Variants in ITGBL1 observed in about 807,000 individuals in gnomAD.
The protein encoded by ITGBL1 is integrin beta-like protein 1.
ITGBL1 carries 51 observed loss-of-function variants against 68.5 expected under a neutral mutation model. The observed-to-expected ratio is 0.74, with a 90% confidence interval of 0.59 to 0.94. The LOEUF is 0.94. Among genes scored for constraint, ITGBL1 ranks in the 40% least tolerant of loss-of-function variants. ITGBL1 has a pLI of 0.00. For synonymous variants in ITGBL1, 209 were observed against 227.3 expected, an observed-to-expected ratio of 0.92 and a Z score of 0.72; for missense variants, 649 against 647.4, an observed-to-expected ratio of 1.00 and a Z score of -0.03.
intron 7 of ITGBL1, among the ~76,000 whole-genome samples, chr13:101,688,068 T>G (rs777145984): frequency 1.7e-4 from 26 of 152,068 alleles, no homozygotes; most frequent in Non-Finnish European, 3.2e-4. Context: ...TAATATTATT[T>G]AGTAAACAAA....
chr13:101,720,609 A>G (rs1286442466), downstream of ITGBL1: 1 of 151,588 alleles, frequency 6.6e-6, no homozygotes, highest in Non-Finnish European at 1.5e-5. Flanking sequence ...TGCTGTAAGT[A>G]GTGTCCATAA....
intron 2 of ITGBL1, among the ~76,000 whole-genome samples, chr13:101,512,670 G>T (rs1337881986): frequency 1.3e-5 from 2 of 152,052 alleles, no homozygotes; most frequent in Non-Finnish European, 2.9e-5. Flanking sequence ...CCAGAGTGCT[G>T]CAAGGAAATG....
chr13:101,608,022 A>G (rs560417467), intron 7 of ITGBL1, among the ~76,000 whole-genome samples: 1 of 152,158 alleles, frequency 6.6e-6, no homozygotes, highest in South Asian at 2.1e-4. Flanking sequence ...TCTATGCGGT[A>G]TTGCATATGT....
chr13:101,567,500 C>T (rs1001993637), intron 2 of ITGBL1, among the ~76,000 whole-genome samples, 199 bp from the exon 3 acceptor site: 9 of 152,070 alleles, frequency 5.9e-5, no homozygotes, highest in African/African-American at 1.7e-4. Flanking sequence ...TATAATTTAT[C>T]GGTTGACTAT....
intron 7 of ITGBL1, among the ~76,000 whole-genome samples, chr13:101,633,603 G>C (rs1285575918): frequency 6.6e-6 from 1 of 152,182 alleles, no homozygotes; most frequent in East Asian, 1.9e-4. Flanking sequence ...TGGCTTCTCA[G>C]CCTTTTTGCT....
chr13:101,542,574 G>A (rs1412051582), intron 2 of ITGBL1, among the ~76,000 whole-genome samples: 1 of 152,132 alleles, frequency 6.6e-6, no homozygotes, highest in Non-Finnish European at 1.5e-5. Context: ...TATTAGGTCT[G>A]TTTGATGCAG....
At chr13:101,507,930 T>A (rs2139102111) in intron 2 of ITGBL1, among the ~76,000 whole-genome samples, 1 of 152,230 alleles carries the variant, frequency 6.6e-6, no homozygotes, top group South Asian at 2.1e-4. Flanking sequence ...GCACCAAACC[T>A]TTTCTTGTGT....
At chr13:101,461,503 G>A (rs1051022214) in intron 2 of ITGBL1, among the ~76,000 whole-genome samples, 7 of 152,060 alleles carry the variant, frequency 4.6e-5, no homozygotes, top group African/African-American at 9.7e-5. Context: ...AGACCGGCCT[G>A]GGCAGCATAG....
Position 101,714,501 on chromosome 13 carries a change from G to A in ITGBL1, c.1343G>A (p.Cys448Tyr), listed in dbSNP as rs758403734. ...GAGTGGTATATTTCTGGGGAGTTCT[G>A]TGACTGTGATGACAGAGACTGCGAC... The part of the protein sequence containing the change: ...AEEWYISGEF[C>Y]DCDDRDCDKH... Residue 448 changes from cysteine (C) to tyrosine (Y), a missense_variant, in exon 10 of 11, where the codon TGT becomes TAT. Cys to Tyr is a radical substitution (Grantham distance 194). Coordinates refer to ENST00000376180, the MANE Select transcript of ITGBL1 (RefSeq NM_004791.3). The A allele has an allele frequency of 1.9e-6, 3 of 1,613,090 alleles. No individual in the cohort carries two copies.
At chr13:101,671,599 C>T (rs9518483) in intron 7 of ITGBL1, among the ~76,000 whole-genome samples, 71,701 of 149,064 alleles carry the variant, frequency 0.48, 17,984 homozygotes, top group East Asian at 0.86. Flanking sequence ...CCACCACGCC[C>T]GGCTAATTTT....
intron 7 of ITGBL1, among the ~76,000 whole-genome samples, chr13:101,605,027 T>C (rs1206001686): frequency 1.5e-5 from 2 of 137,342 alleles, no homozygotes; most frequent in East Asian, 2.2e-4. Flanking sequence ...TGTGTATATG[T>C]ATATATACAT....
Position 101,579,424 on chromosome 13 carries a change from A to AGAG in ITGBL1, c.726_727+1dup. On this transcript the variant is annotated inframe_insertion, in exon 5 of 11. Transcript: ENST00000376180. Reference sequence around the variant, plus strand: ...TCCAGATGGCAAAATCTGCAGTAACAGAGGTGTGTCATTCATACATGTTAC... The same window carrying AGAG: ...TCCAGATGGCAAAATCTGCAGTAACAGAGGAGGTGTGTCATTCATACATGTTAC... The AGAG allele has an allele frequency of 6.2e-7, 1 of 1,613,650 alleles. No individual in the cohort carries two copies. The highest frequency in any genetic ancestry group is 8.5e-7 in the Non-Finnish European group (1 of 1,179,766).
chr13:101,695,576 TG>T (rs1566794602), intron 8 of ITGBL1, among the ~76,000 whole-genome samples: 3 of 152,154 alleles, frequency 2.0e-5, no homozygotes, highest in African/African-American at 7.2e-5. Flanking sequence ...TGTGTGTTTG[TG>T]GGTTGGTAGG....
chr13:101,712,474 C>T (rs528485336), intron 9 of ITGBL1: 1 of 151,968 alleles, frequency 6.6e-6, no homozygotes, highest in East Asian at 1.9e-4. Flanking sequence ...AGTTCCAGGG[C>T]CAGAGGATAA....
At chr13:101,511,196 A>G (rs2049110406) in intron 2 of ITGBL1, among the ~76,000 whole-genome samples, 1 of 152,010 alleles carries the variant, frequency 6.6e-6, no homozygotes, top group South Asian at 2.1e-4. Context: ...CTTCTACTCC[A>G]ATTTGAAAAA....
rs1034032091 is a variant in ITGBL1 at position 101,692,824 on chromosome 13, C to A, written c.1132+123C>A. On this transcript the variant is annotated intron_variant, in intron 8 of 10. Transcript: ENST00000376180. ...AATAAGATAAACAGAAAGCAATATA[C>A]CATTGAACCTAAAAGCAATATACAA... The A allele has an allele frequency of 1.7e-5, 12 of 710,170 alleles. No homozygotes were observed. The East Asian group carries it at 2.5e-4, about 15-fold the overall frequency. The allele number at this position is 710,170 out of a possible 1,614,324, so 44.0% of individuals were successfully genotyped here. A position where few individuals can be genotyped will look rare whatever the true frequency, so the allele number is the denominator to read the frequency against.
intron 7 of ITGBL1, among the ~76,000 whole-genome samples, chr13:101,619,366 G>T (rs181182297): frequency 6.6e-6 from 1 of 151,784 alleles, no homozygotes; most frequent in South Asian, 2.1e-4. Flanking sequence ...AAGTGGACAT[G>T]GGAAAGAAAG....
intron 8 of ITGBL1, among the ~76,000 whole-genome samples, chr13:101,704,909 C>T (rs1435901455): frequency 1.3e-5 from 2 of 152,080 alleles, no homozygotes; most frequent in Non-Finnish European, 2.9e-5. Flanking sequence ...CCACAATTAC[C>T]TCATTTATTT....
chr13:101,566,187 A>G (rs1230806916), intron 2 of ITGBL1, among the ~76,000 whole-genome samples: 1 of 152,158 alleles, frequency 6.6e-6, no homozygotes, highest in Non-Finnish European at 1.5e-5. Context: ...TCAACTTATG[A>G]AAGTGGCAAT....
Sources: allele counts gnomAD v4.1 joint callset (sites outside exome capture counted in the v4.1 genomes callset), GRCh38; gene constraint gnomAD v4.1.1; transcripts MANE v1.5; gene names NCBI Gene and HGNC (gene_info 2026-07-23, HGNC 2026-07-21).